CFAP184: variants seen among roughly 807,000 people sequenced by gnomAD.
CFAP184 encodes the protein cilia and flagella associated protein 184.
chr4:7,041,316 G>A, the CFAP184 span: 1 of 1,612,322 alleles, frequency 6.2e-7, no homozygotes, highest in Admixed American at 1.7e-5. Context: ...TCTGCCTCAC[G>A]CCTCTGCAGG....
chr4:7,042,127 C>A, the CFAP184 span: 1 of 1,606,844 alleles, frequency 6.2e-7, no homozygotes, highest in Non-Finnish European at 8.5e-7. Context: ...CTCTGCGCCC[C>A]GGTCAGCCAC....
the CFAP184 span, chr4:7,042,419 C>A: frequency 6.2e-7 from 1 of 1,612,172 alleles, no homozygotes; most frequent in Non-Finnish European, 8.5e-7. Flanking sequence ...CTCTGCGTCT[C>A]CTCCTTGTCC....
At chr4:7,042,601 G>T in the CFAP184 span, 1 of 1,524,954 alleles carries the variant, frequency 6.6e-7, no homozygotes, top group Non-Finnish European at 8.8e-7. Flanking sequence ...CCCGGCTCCG[G>T]GCTCCGGCTG....
the CFAP184 span, chr4:7,042,539 C>A: frequency 1.3e-6 from 2 of 1,591,760 alleles, no homozygotes; most frequent in Admixed American, 3.4e-5. Flanking sequence ...TCCTTCCCCT[C>A]TGCCGCCTGC....
At chr4:7,042,414 C>T in the CFAP184 span, 1 of 1,612,204 alleles carries the variant, frequency 6.2e-7, no homozygotes, top group African/African-American at 1.3e-5. Context: ...CGTCTCTCTG[C>T]GTCTCCTCCT....
the CFAP184 span, chr4:7,041,535 C>G: frequency 1.2e-6 from 2 of 1,614,150 alleles, no homozygotes; most frequent in African/African-American, 2.7e-5. Flanking sequence ...CGGCCTGGGC[C>G]TCGATTTCTG....
the CFAP184 span, chr4:7,041,412 C>T: frequency 1.2e-6 from 2 of 1,614,232 alleles, no homozygotes; most frequent in Admixed American, 3.3e-5. Context: ...CTTCCAAGTC[C>T]CGAAGAAGTG....
the CFAP184 span, chr4:7,042,309 G>C: frequency 1.3e-6 from 2 of 1,594,158 alleles, no homozygotes; most frequent in Non-Finnish European, 1.7e-6. Context: ...CGGACCACTC[G>C]AGGTCCTCAA....
the CFAP184 span, chr4:7,042,896 C>T: frequency 6.4e-7 from 1 of 1,553,314 alleles, no homozygotes; most frequent in African/African-American, 1.4e-5. Flanking sequence ...CCGTCTCCGC[C>T]TTCCCCGCCG....
At chr4:7,041,277 A>G in the CFAP184 span, 9 of 1,590,256 alleles carry the variant, frequency 5.7e-6, no homozygotes, top group East Asian at 1.8e-4. Flanking sequence ...CTGGTCAAGA[A>G]GGGAGAAAGG....
the CFAP184 span, chr4:7,042,069 C>A: frequency 1.2e-6 from 2 of 1,610,810 alleles, no homozygotes; most frequent in South Asian, 1.1e-5. Flanking sequence ...GCTCCTCCAG[C>A]ATGCCCAGAT....
At chr4:7,042,477 A>G in the CFAP184 span, 1 of 1,610,440 alleles carries the variant, frequency 6.2e-7, no homozygotes, top group East Asian at 2.2e-5. Context: ...GGGCTGCAGC[A>G]GCCTCTTCCT....
chr4:7,042,535 C>G, the CFAP184 span: 4 of 1,593,860 alleles, frequency 2.5e-6, no homozygotes, highest in Admixed American at 6.8e-5. Context: ...GACTTCCTTC[C>G]CCTCTGCCGC....
chr4:7,042,476 C>T, the CFAP184 span: 1 of 1,610,486 alleles, frequency 6.2e-7, no homozygotes, highest in Non-Finnish European at 8.5e-7. Context: ...GGGGCTGCAG[C>T]AGCCTCTTCC....
At chr4:7,041,047 C>A in the CFAP184 span, 17 of 497,630 alleles carry the variant, frequency 3.4e-5, no homozygotes, top group East Asian at 5.1e-4. Context: ...ATTAAATCAC[C>A]CTTTGTTTGC....
chr4:7,041,218 G>C, the CFAP184 span: 5 of 1,517,296 alleles, frequency 3.3e-6, no homozygotes, highest in Non-Finnish European at 4.4e-6. Context: ...AAATAAAGCA[G>C]GACAGCACGT....
the CFAP184 span, chr4:7,041,467 T>C: frequency 6.2e-7 from 1 of 1,614,232 alleles, no homozygotes; most frequent in Non-Finnish European, 8.5e-7. Context: ...TCTGATGTTG[T>C]CCGTCCGCAG....
chr4:7,042,911 C>G, the CFAP184 span: 1 of 1,542,742 alleles, frequency 6.5e-7, no homozygotes, highest in Non-Finnish European at 8.7e-7. Flanking sequence ...CCGCCGGGGT[C>G]CTTAGTGTGC....
chr4:7,041,253 C>G, the CFAP184 span: 1 of 1,546,026 alleles, frequency 6.5e-7, no homozygotes, highest in Non-Finnish European at 8.7e-7. Flanking sequence ...GTTTTGCAGA[C>G]TCTTCTCATC....
Sources: gnomAD v4.1 joint callset for allele counts on GRCh38, gnomAD v4.1.1 for gene constraint, MANE v1.5 for transcripts, NCBI Gene and HGNC (gene_info 2026-07-23, HGNC 2026-07-21) for gene names.